Variants in POR observed in about 807,000 individuals in gnomAD.
POR encodes NADPH--cytochrome P450 reductase.
Under a neutral mutation model 84.0 loss-of-function variants are expected in POR, and 56 were observed. The observed-to-expected ratio is 0.67, with a 90% CI of 0.54 to 0.83. The LOEUF (loss-of-function observed/expected upper bound fraction) is 0.83. Ranked by LOEUF, POR falls within the 40% of genes least tolerant of loss-of-function variation. POR has a pLI of 0.00. For synonymous variants in POR, 414 were observed against 400.5 expected (o/e 1.03, Z -0.40); for missense variants, 938 against 944.3 (o/e 0.99, Z 0.09).
At chr7:75,945,309 AAAAAG>A (rs141191058) in intron 1 of POR, 19,140 of 152,048 alleles carry the variant, frequency 0.13, 1,521 homozygotes, top group South Asian at 0.2. Flanking sequence ...TCCTAAAACA[AAAAAG>A]AAAAGAAAAG....
chr7:75,966,088 T>C (rs1185236369), intron 2 of POR, among the ~76,000 whole-genome samples: 1 of 152,116 alleles, frequency 6.6e-6, no homozygotes, highest in Non-Finnish European at 1.5e-5. Flanking sequence ...ATAGAAACCC[T>C]TGCGCACTGC....
intron 3 of POR, among the ~76,000 whole-genome samples, chr7:75,975,266 A>G (rs1788627170): frequency 6.6e-6 from 1 of 152,126 alleles, no homozygotes; most frequent in South Asian, 2.1e-4. Context: ...ATCCAACTCT[A>G]CATTTTACAT....
At chr7:75,981,464 G>GT in intron 6 of POR, 53 bp from the exon 7 acceptor site, 2 of 1,530,196 alleles carry the variant, frequency 1.3e-6, no homozygotes, top group Non-Finnish European at 1.8e-6. Context: ...ACCAGGTACC[G>GT]TTGCCACATG....
chr7:75,954,301 C>G, intron 2 of POR, 121 bp downstream of exon 2: 1 of 1,081,132 alleles, frequency 9.2e-7, no homozygotes, highest in Non-Finnish European at 1.3e-6. Flanking sequence ...TGGGGTGACT[C>G]TTGGGTTTTG....
At chr7:75,985,025 C>A (rs1789334294) in intron 11 of POR, 33 bp from the exon 12 acceptor site, 1 of 1,583,968 alleles carries the variant, frequency 6.3e-7, no homozygotes, top group Non-Finnish European at 8.6e-7. Flanking sequence ...CCGTGGGCCC[C>A]AATCAGCCCC....
At chr7:75,948,067 C>G (rs1429637189) in intron 1 of POR, among the ~76,000 whole-genome samples, 1 of 152,126 alleles carries the variant, frequency 6.6e-6, no homozygotes, top group Admixed American at 6.6e-5. Flanking sequence ...GTTCTTCCCT[C>G]AAGGAGCTCA....
At chr7:75,933,966 C>T (rs1309954596) in intron 1 of POR, among the ~76,000 whole-genome samples, 1 of 148,474 alleles carries the variant, frequency 6.7e-6, no homozygotes, top group Non-Finnish European at 1.5e-5. Flanking sequence ...AAGGCAAGGA[C>T]AGTTTTTTTT....
At chr7:75,962,709 G>A (rs1365234234) in intron 2 of POR, among the ~76,000 whole-genome samples, 11 of 152,152 alleles carry the variant, frequency 7.2e-5, no homozygotes, top group Non-Finnish European at 1.0e-4. Context: ...TCATCACTCC[G>A]AAACAGTCCT....
intron 2 of POR, among the ~76,000 whole-genome samples, chr7:75,961,640 C>G (rs1458895493): frequency 2.6e-5 from 4 of 152,226 alleles, no homozygotes; most frequent in African/African-American, 7.2e-5. Flanking sequence ...CCGCTGCCCC[C>G]CACCGCCGCA....
rs1807819539 is a variant in POR at position 75,938,717 on chromosome 7, C to CCA, written c.-4-15270_-4-15269dup. Among the ~76,000 whole-genome samples, 3 of 152,288 alleles carry CCA rather than the reference C, an allele frequency of 2.0e-5. No individual in the cohort carries two copies. The South Asian group carries it at 6.2e-4, about 32-fold the overall frequency. On this transcript the variant is annotated intron_variant, in intron 1 of 15. Transcript: ENST00000461988. Reference sequence around the variant, plus strand: ...GAGGCTGCAGTGAGCTGTGATCACACCACTGCACTGCAGCCTTGGTGACTC... The same window carrying CCA: ...GAGGCTGCAGTGAGCTGTGATCACACCACACTGCACTGCAGCCTTGGTGACTC...
chr7:75,930,174 T>C (rs1554549990), intron 1 of POR, among the ~76,000 whole-genome samples: 2 of 152,192 alleles, frequency 1.3e-5, no homozygotes, highest in African/African-American at 4.8e-5. Flanking sequence ...GTAGTAGGTG[T>C]TGAGTGAACG....
At chr7:75,984,068 GT>G (rs1467384810) in intron 10 of POR, among the ~76,000 whole-genome samples, 7 of 152,276 alleles carry the variant, frequency 4.6e-5, no homozygotes, top group African/African-American at 1.7e-4. Context: ...CCCCTACCCC[GT>G]CACTGTCATA....
chr7:75,935,974 GCCAGGCCTCT>G (rs1187229079), intron 1 of POR, among the ~76,000 whole-genome samples: 4 of 151,654 alleles, frequency 2.6e-5, no homozygotes, highest in African/African-American at 9.7e-5. Flanking sequence ...ATTTCTGAAT[GCCAGGCCTCT>G]CCCTTTGGCA....
At chr7:75,977,500 G>A (rs1280816279) in intron 3 of POR, among the ~76,000 whole-genome samples, 2 of 152,232 alleles carry the variant, frequency 1.3e-5, no homozygotes, top group African/African-American at 4.8e-5. Flanking sequence ...AGGTGGCTGG[G>A]TGCGGTGGCT....
At position 75,929,450 on chromosome 7, in the gene POR, C is replaced by T. The variant is rs1271840589; in HGVS notation, c.-5+14271C>T. Among the ~76,000 whole-genome samples, 5 of 152,114 alleles carry T rather than the reference C, an allele frequency of 3.3e-5. No homozygotes were observed. In the East Asian group the frequency reaches 9.6e-4, roughly 29 times the overall value. ...CAGCTACTTTTTGTATTTTTAGTTT[C>T]ACCATGTTGGCCAGGCTGGTCTTGA... is the stretch of plus-strand genomic sequence containing the variant. On this transcript the variant is annotated intron_variant, in intron 1 of 15. Transcript: ENST00000461988.
rs201933956 is a variant in POR at position 75,929,421 on chromosome 7, T to C, written c.-5+14242T>C. Reference sequence around the variant, plus strand: ...TGGGATTACAGAGCATGCACCACCATGCCCAGCTACTTTTTGTATTTTTAG... The same window carrying C: ...TGGGATTACAGAGCATGCACCACCACGCCCAGCTACTTTTTGTATTTTTAG... On this transcript the variant is annotated intron_variant, in intron 1 of 15. Transcript: ENST00000461988. Among the ~76,000 whole-genome samples the C allele has an allele frequency of 1.2e-4, 19 of 152,226 alleles. No individual in the cohort carries two copies. The East Asian group carries it at 3.5e-3, about 28-fold the overall frequency.
intron 1 of POR, among the ~76,000 whole-genome samples, chr7:75,933,233 A>T (rs1563403114): frequency 6.6e-6 from 1 of 152,068 alleles, no homozygotes; most frequent in Non-Finnish European, 1.5e-5. Context: ...AGTCTGGTAG[A>T]ATGGCTAAAT....
Position 75,986,417 on chromosome 7 carries a change from A to C in POR, c.1979A>C (p.Gln660Pro). 6.2e-7 allele frequency: 1 copy of C among 1,612,536 alleles called. No homozygotes were observed. The highest frequency in any genetic ancestry group is 8.5e-7 in the Non-Finnish European group (1 of 1,179,858). The change falls in exon 16 of 16, where the codon CAG (glutamine) becomes CCG (proline). Residue 660 changes from glutamine (Q) to proline (P), a missense_variant. Physicochemically the swap from Gln to Pro is moderately conservative, Grantham distance 76. Coordinates refer to ENST00000461988, the MANE Select transcript of POR (RefSeq NM_000941.3). ...GAGCTCGGGGCCATGGAGCACGCGC[A>C]GGCGGTGGACTACATCAAGAAACTG...
chr7:75,928,247 G>A (rs1173880858), intron 1 of POR, among the ~76,000 whole-genome samples: 1 of 152,136 alleles, frequency 6.6e-6, no homozygotes, highest in African/African-American at 2.4e-5. Context: ...GGGATTACAG[G>A]TGTGAGCCAC....
Sources: allele counts gnomAD v4.1 joint callset (sites outside exome capture counted in the v4.1 genomes callset), GRCh38; gene constraint gnomAD v4.1.1; transcripts MANE v1.5; gene names NCBI Gene and HGNC (gene_info 2026-07-23, HGNC 2026-07-21).